Variants in MSL2 observed in about 807,000 individuals in gnomAD.
MSL2 encodes E3 ubiquitin-protein ligase MSL2.
In MSL2, 2 loss-of-function variants were observed where a neutral mutation model predicts 35.8. The observed-to-expected ratio is 0.06, with a 90% confidence interval of 0.02 to 0.18. The LOEUF (loss-of-function observed/expected upper bound fraction) is 0.18. MSL2 is among the 10% of genes least tolerant of loss of function. MSL2 has a pLI of 1.00. For missense variants in MSL2, 523 were observed against 706.7 expected (o/e 0.74, Z 2.95); for synonymous variants, 296 against 255.7 (o/e 1.16, Z -1.50).
intron 1 of MSL2, chr3:136,155,730 C>G (rs1939499518): frequency 2.0e-6 from 1 of 505,164 alleles, no homozygotes; most frequent in Non-Finnish European, 4.0e-6. Flanking sequence ...GTGCCTGCTT[C>G]CCCTCCTTCT....
intron 1 of MSL2, among the ~76,000 whole-genome samples, chr3:136,172,156 A>G (rs1559965309): frequency 6.6e-6 from 1 of 152,184 alleles, no homozygotes. Context: ...AAGTCCAATG[A>G]AAGCTTGAAT....
intron 1 of MSL2, among the ~76,000 whole-genome samples, chr3:136,182,951 T>C (rs1394313719): frequency 6.6e-6 from 1 of 152,144 alleles, no homozygotes; most frequent in Non-Finnish European, 1.5e-5. Context: ...CTGCCCTCAG[T>C]AGCATGGAAA....
chr3:136,172,282 T>C (rs1213681568), intron 1 of MSL2, among the ~76,000 whole-genome samples: 1 of 152,084 alleles, frequency 6.6e-6, no homozygotes, highest in African/African-American at 2.4e-5. Flanking sequence ...CGACAACACA[T>C]ACACACATAC....
chr3:136,187,768 A>G (rs1010010210), intron 1 of MSL2, among the ~76,000 whole-genome samples: 6 of 152,136 alleles, frequency 3.9e-5, no homozygotes, highest in Admixed American at 6.5e-5. Context: ...TCAAATGCTT[A>G]TAACACTGAT....
Position 136,195,566 on chromosome 3 carries a change from C to G in MSL2, c.-453G>C. ...TGAGGCGCGGCACGCTTCTCCCGGG[C>G]TGCAGGGCCTCTTACTCCATCCCAG... On this transcript the variant is annotated 5_prime_UTR_variant, in exon 1 of 2. Transcript: ENST00000309993. 3 of 998,810 alleles carry G rather than the reference C, an allele frequency of 3.0e-6. No individual in the cohort carries two copies. Among genetic ancestry groups the G allele is most frequent in the Non-Finnish European group, 3.6e-6 (3 of 838,782 alleles). The allele number at this position is 998,810 out of a possible 1,614,324, so 61.9% of individuals were successfully genotyped here. A position where few individuals can be genotyped will look rare whatever the true frequency, so the allele number is the denominator to read the frequency against.
intron 1 of MSL2, among the ~76,000 whole-genome samples, chr3:136,175,252 G>A (rs1940140428): frequency 6.6e-6 from 1 of 151,870 alleles, no homozygotes. Flanking sequence ...GCTGAGGCAG[G>A]AGAATCACTT....
intron 1 of MSL2, among the ~76,000 whole-genome samples, chr3:136,189,121 AAAAAAAAAAAAAAAACAC>A (rs1409425738): frequency 7.4e-6 from 1 of 135,624 alleles, no homozygotes; most frequent in African/African-American, 3.2e-5. Flanking sequence ...AAAAAAAAAA[AAAAAAAAAAAAAAAACAC>A]ACACACAAAA....
chr3:136,164,073 CATTT>C (rs1939777588), intron 1 of MSL2, among the ~76,000 whole-genome samples: 1 of 152,150 alleles, frequency 6.6e-6, no homozygotes, highest in Non-Finnish European at 1.5e-5. Flanking sequence ...AATCTGAGTT[CATTT>C]TTTTAAAAAA....
Position 136,150,928 on chromosome 3 carries a change from A to G in MSL2, c.*219T>C, listed in dbSNP as rs1576351627. ...GTTGCATCAGCTTTGTTCTCAAACT[A>G]TGAGGTTCTGTAAGAACTAAGGACA... On this transcript the variant is annotated 3_prime_UTR_variant, in exon 2 of 2. Transcript: ENST00000309993. 5.7e-6 allele frequency: 3 copies of G among 523,670 alleles called. No individual in the cohort carries two copies. The highest frequency in any genetic ancestry group is 5.0e-4 in the Middle Eastern group (1 of 1,992). The allele number at this position is 523,670 out of a possible 1,614,324, so 32.4% of individuals were successfully genotyped here. A position where few individuals can be genotyped will look rare whatever the true frequency, so the allele number is the denominator to read the frequency against.
At chr3:136,183,474 G>A (rs187862075) in intron 1 of MSL2, among the ~76,000 whole-genome samples, 1 of 152,080 alleles carries the variant, frequency 6.6e-6, no homozygotes, top group Non-Finnish European at 1.5e-5. Flanking sequence ...CCAGGCTGGA[G>A]TGCAGTGGCA....
intron 1 of MSL2, among the ~76,000 whole-genome samples, chr3:136,159,271 C>T (rs1013432223): frequency 1.3e-5 from 2 of 150,754 alleles, no homozygotes; most frequent in Non-Finnish European, 2.9e-5. Context: ...ATTCAGAGTC[C>T]AGAAACAAAT....
At position 136,175,495 on chromosome 3, in the gene MSL2, A is replaced by C. The variant is rs561568557; in HGVS notation, c.142+19477T>G. Reference sequence around the variant, plus strand: ...AAGCCCAGGAGTTCGAGACCAGCCTAAGCAGCATAGTGAAACCCTGCCTCT... The same window carrying C: ...AAGCCCAGGAGTTCGAGACCAGCCTCAGCAGCATAGTGAAACCCTGCCTCT... On this transcript the variant is annotated intron_variant, in intron 1 of 1. Coordinates refer to ENST00000309993, the MANE Select transcript of MSL2 (RefSeq NM_018133.4). Among the ~76,000 whole-genome samples, 4 of 152,044 alleles carry C rather than the reference A, an allele frequency of 2.6e-5. No homozygotes were observed. In the East Asian group the frequency reaches 7.7e-4, roughly 29 times the overall value.
At chr3:136,179,443 A>T (rs1559968514) in intron 1 of MSL2, among the ~76,000 whole-genome samples, 1 of 152,152 alleles carries the variant, frequency 6.6e-6, no homozygotes, top group Non-Finnish European at 1.5e-5. Context: ...TTGGCATCTC[A>T]AGTGCTGGGA....
intron 1 of MSL2, among the ~76,000 whole-genome samples, chr3:136,154,020 T>A (rs531279344): frequency 1.3e-5 from 2 of 150,650 alleles, no homozygotes; most frequent in East Asian, 3.9e-4. Context: ...GAGGCGGAGG[T>A]TGCAGCGAGC....
intron 1 of MSL2, among the ~76,000 whole-genome samples, chr3:136,177,344 GAATA>G (rs1940204875): frequency 6.6e-6 from 1 of 152,062 alleles, no homozygotes; most frequent in African/African-American, 2.4e-5. Context: ...AAACAAGAAA[GAATA>G]ATTAATATGG....
At chr3:136,193,970 A>T (rs1940762380) in intron 1 of MSL2, among the ~76,000 whole-genome samples, 1 of 152,234 alleles carries the variant, frequency 6.6e-6, no homozygotes, top group South Asian at 2.1e-4. Context: ...TTCTCCCTTC[A>T]GCCACAACTG....
chr3:136,176,079 C>T (rs779745098), intron 1 of MSL2, among the ~76,000 whole-genome samples: 3 of 152,138 alleles, frequency 2.0e-5, no homozygotes, highest in Non-Finnish European at 2.9e-5. Flanking sequence ...CAAACAAAAA[C>T]GACTATACCA....
intron 1 of MSL2, among the ~76,000 whole-genome samples, chr3:136,193,439 T>TGG (rs1437665223): frequency 2.6e-5 from 4 of 151,428 alleles, no homozygotes; most frequent in Non-Finnish European, 5.9e-5. Flanking sequence ...CAGGACAGAG[T>TGG]GGGCCCTTCC....
intron 1 of MSL2, among the ~76,000 whole-genome samples, chr3:136,188,399 A>T (rs1390542613): frequency 6.6e-6 from 1 of 151,522 alleles, no homozygotes; most frequent in Non-Finnish European, 1.5e-5. Context: ...GCACCACTGC[A>T]GTCCAGCCTG....
Sources: allele counts gnomAD v4.1 joint callset (sites outside exome capture counted in the v4.1 genomes callset), GRCh38; gene constraint gnomAD v4.1.1; transcripts MANE v1.5; gene names NCBI Gene and HGNC (gene_info 2026-07-23, HGNC 2026-07-21).